Variants in EIF2S3B observed in about 807,000 individuals in gnomAD.
EIF2S3B encodes eukaryotic translation initiation factor 2 subunit 3B.
EIF2S3B carries 16 observed loss-of-function variants against 26.4 expected under a neutral mutation model. The ratio of observed to expected loss-of-function variants is 0.61; its 90% CI spans 0.41 to 0.92. EIF2S3B has a LOEUF of 0.92. Among genes scored for constraint, EIF2S3B ranks in the 40% least tolerant of loss-of-function variants. The pLI is 0.00. For synonymous variants in EIF2S3B, 183 were observed against 204.4 expected (o/e 0.90, Z 0.89); for missense variants, 510 against 575.5 (o/e 0.89, Z 1.16).
exon 2 of EIF2S3B, chr12:10,522,680 T>G: frequency 1.4e-6 from 1 of 694,762 alleles, no homozygotes. Context: ...AGAGGAAGTC[T>G]GCAGCAAACT....
chr12:10,519,654 A>T (rs969841825), intron 1 of EIF2S3B, among the ~76,000 whole-genome samples: 1 of 152,144 alleles, frequency 6.6e-6, no homozygotes, highest in Non-Finnish European at 1.5e-5. Context: ...AACTCAAACA[A>T]ATTTACAGGA....
chr12:10,522,481 T>TA (rs1184559436), intron 1 of EIF2S3B: 1 of 515,844 alleles, frequency 1.9e-6, no homozygotes, highest in Non-Finnish European at 3.4e-6. Context: ...ATCATTCAAT[T>TA]AATGGAGCTG....
chr12:10,517,289 G>T (rs543092469), intron 1 of EIF2S3B, among the ~76,000 whole-genome samples: 2 of 151,892 alleles, frequency 1.3e-5, no homozygotes, highest in Admixed American at 6.6e-5. Flanking sequence ...CAATTTCAGA[G>T]CCTGTTATTG....
intron 1 of EIF2S3B, among the ~76,000 whole-genome samples, chr12:10,514,784 C>T (rs193108618): frequency 1.1e-4 from 16 of 152,206 alleles, no homozygotes; most frequent in South Asian, 6.2e-4. Flanking sequence ...AGGTTTCCTA[C>T]CCATCATTGC....
Position 10,506,213 on chromosome 12 carries a change from CT to C in EIF2S3B, c.313del (p.Cys105ValfsTer22). ...PSCPRPECYRSCGSSMPDEFP... is the reference protein window; with the variant it reads ...PSCPRPECYRXCGSSMPDEFP... ...TGCCCTCGGCCAGAATGTTATCGAT[CT>C]TGTGGGAGCAGTATGCCTGATGAGT... is the stretch of plus-strand genomic sequence containing the variant. On this transcript the variant is annotated frameshift_variant, in exon 1 of 1. Coordinates refer to ENST00000538173, the MANE Select transcript of EIF2S3B (RefSeq NM_001357734.3). LOFTEE classifies it high-confidence loss of function. 1 of 1,591,348 alleles carries C rather than the reference CT, an allele frequency of 6.3e-7. No homozygotes were observed. The highest frequency in any genetic ancestry group is 1.1e-5 in the South Asian group (1 of 90,590).
rs1864643815 is a variant in EIF2S3B at position 10,507,134 on chromosome 12, T to C, written c.1232T>C (p.Leu411Pro). The C allele has an allele frequency of 1.9e-6, 3 of 1,613,728 alleles. No individual in the cohort carries two copies. Among genetic ancestry groups the C allele is most frequent in the African/African-American group, 2.7e-5 (2 of 74,924 alleles). ...NEVLMVNIGSLSTGGRVSAVK... is the reference protein window; with the variant it reads ...NEVLMVNIGSPSTGGRVSAVK... The stretch of plus-strand genomic sequence containing the variant: ...GTGCTCATGGTGAACATAGGATCCC[T>C]GTCGACAGGAGGGAGAGTTAGTGCT... The change falls in exon 1 of 1, where the codon CTG (leucine) becomes CCG (proline). Residue 411 changes from leucine (L) to proline (P), a missense_variant. Transcript: ENST00000538173.
chr12:10,511,345 T>C (rs1244159555), downstream of EIF2S3B, among the ~76,000 whole-genome samples: 1 of 152,094 alleles, frequency 6.6e-6, no homozygotes, highest in Non-Finnish European at 1.5e-5. Flanking sequence ...ATTGAATAGA[T>C]GAGGTTTCAC....
At chr12:10,516,206 T>C (rs1864756278) in intron 1 of EIF2S3B, among the ~76,000 whole-genome samples, 1 of 152,036 alleles carries the variant, frequency 6.6e-6, no homozygotes, top group South Asian at 2.1e-4. Context: ...AACATGTCTC[T>C]AGAACCTTAT....
chr12:10,513,536 G>A (rs974860358), intron 1 of EIF2S3B, among the ~76,000 whole-genome samples: 1 of 152,138 alleles, frequency 6.6e-6, no homozygotes, highest in Non-Finnish European at 1.5e-5. Flanking sequence ...GGATAGTTTC[G>A]AGATGTTTCA....
rs1440745701 is a variant in EIF2S3B at position 10,506,161 on chromosome 12, A to G, written c.259A>G (p.Lys87Glu). 5 of 1,575,278 alleles carry G rather than the reference A, an allele frequency of 3.2e-6. No homozygotes were observed. The highest frequency in any genetic ancestry group is 4.4e-6 in the Non-Finnish European group (5 of 1,144,610). ...AATCAAGCTTGGATATGCTAATGCT[A>G]AGATTTATCAACTTGATGACCCAAG... ...ITIKLGYANA[K>E]IYQLDDPSCP... is the part of the protein sequence containing the mutation. Residue 87 changes from lysine (K) to glutamate (E), a missense_variant, in exon 1 of 1, where the codon AAG becomes GAG. By Grantham distance (56) the Lys-to-Glu change is moderately conservative. Transcript: ENST00000538173.
intron 1 of EIF2S3B, among the ~76,000 whole-genome samples, chr12:10,521,829 T>C (rs1375627492): frequency 6.6e-6 from 1 of 152,222 alleles, no homozygotes; most frequent in Non-Finnish European, 1.5e-5. Context: ...AATCTTTTGA[T>C]ATTCAACCTT....
chr12:10,518,304 CAT>C (rs1241177319), intron 1 of EIF2S3B, among the ~76,000 whole-genome samples: 4 of 152,118 alleles, frequency 2.6e-5, no homozygotes, highest in Admixed American at 1.3e-4. Context: ...GTATTGGGTG[CAT>C]ATATATTTAG....
In EIF2S3B at chr12:10,506,676, T is replaced by G. The variant is rs143821403; in HGVS notation, c.774T>G (p.Val258=). The change falls in exon 1 of 1, where the codon GTT becomes GTG. Residue 258 remains valine (V), a synonymous_variant. Coordinates refer to ENST00000538173, the MANE Select transcript of EIF2S3B (RefSeq NM_001357734.3). ...TTACTTCAGAGCCCCGGCTTATTGT[T>G]ATTAGATCTTTTGATGTCAACAAAC... ...RDFTSEPRLI[V]IRSFDVNKPG... is the part of the protein sequence containing the mutation. 1.3e-3 allele frequency: 2,147 copies of G among 1,613,980 alleles called. 20 individuals carry two copies. In the African/African-American group the frequency reaches 0.025, roughly 19 times the overall value.
At position 10,518,649 on chromosome 12, in the gene EIF2S3B, A is replaced by G. The variant is rs545842266; in HGVS notation, c.1309-3954A>G. Among the ~76,000 whole-genome samples, 410 of 152,276 alleles carry G rather than the reference A, an allele frequency of 2.7e-3. 2 individuals are homozygous for G. The highest frequency in any genetic ancestry group is 9.5e-3 in the African/African-American group (396 of 41,554). On this transcript the variant is annotated intron_variant, in intron 1 of 1. Coordinates refer to the EIF2S3B transcript ENST00000322446. ...CAAAATCTCCTTAAGCTGATAAGCA[A>G]CTTCAGCAAAGTCTCAAGATACAAA...
Position 10,507,467 on chromosome 12 carries a change from T to TA in EIF2S3B, c.*146_*147insA. 1.2e-6 allele frequency: 1 copy of TA among 835,204 alleles called. No individual in the cohort carries two copies. The highest frequency in any genetic ancestry group is 2.7e-5 in the East Asian group (1 of 37,214). The allele number at this position is 835,204 out of a possible 1,614,324, so 51.7% of individuals were successfully genotyped here. On this transcript the variant is annotated 3_prime_UTR_variant, in exon 1 of 1. Transcript: ENST00000538173. ...AGGTAACGGTAAGGTTATTCTCTCT[T>TA]TTTTTTTTTGGTTATGAAAACTTAG...
chr12:10,520,647 C>T (rs1468662799), intron 1 of EIF2S3B, among the ~76,000 whole-genome samples: 3 of 151,962 alleles, frequency 2.0e-5, no homozygotes, highest in Non-Finnish European at 4.4e-5. Context: ...TTTACCTTTA[C>T]TTTTGTGAGC....
chr12:10,518,847 A>G (rs1367033318), intron 1 of EIF2S3B, among the ~76,000 whole-genome samples: 1 of 152,128 alleles, frequency 6.6e-6, no homozygotes, highest in African/African-American at 2.4e-5. Flanking sequence ...CCACTGCTCA[A>G]GGAAATAAAA....
rs1271631399 is a variant in EIF2S3B, at chr12:10,507,347, G to A, written c.*26G>A. 18 of 1,611,418 alleles carry A rather than the reference G, an allele frequency of 1.1e-5. No homozygotes were observed. Among genetic ancestry groups the A allele is most frequent in the Non-Finnish European group, 1.4e-5 (17 of 1,177,740 alleles). On this transcript the variant is annotated 3_prime_UTR_variant, in exon 1 of 1. Transcript: ENST00000538173. ...AGAATACCGGTTAAATAATACATTC[G>A]GATGGAGCTGGAAGTTGCAATTTCT...
At chr12:10,521,222 A>G (rs1248601239) in intron 1 of EIF2S3B, among the ~76,000 whole-genome samples, 1 of 152,142 alleles carries the variant, frequency 6.6e-6, no homozygotes, top group Non-Finnish European at 1.5e-5. Flanking sequence ...ATTATCTTAT[A>G]CCACACCCCA....
Sources: allele counts gnomAD v4.1 joint callset (sites outside exome capture counted in the v4.1 genomes callset), GRCh38; gene constraint gnomAD v4.1.1; transcripts MANE v1.5; gene names NCBI Gene and HGNC (gene_info 2026-07-23, HGNC 2026-07-21).